The following ERMP1 variants were observed in gnomAD, a reference collection of about 807,000 sequenced individuals.
ERMP1 encodes the protein endoplasmic reticulum metallopeptidase 1, also known as Felix-ina.
Under a neutral mutation model 92.0 loss-of-function variants are expected in ERMP1, and 86 were observed. That is an observed-to-expected ratio of 0.93 (90% CI 0.79 to 1.12). ERMP1 has a LOEUF of 1.12. Ranked by LOEUF, ERMP1 falls within the 50% of genes most tolerant of loss-of-function variation. The probability of loss-of-function intolerance (pLI) is 0.00; values close to 1 mark genes in which losing one functional copy is unlikely to be tolerated. For missense variants in ERMP1, 1,342 were observed against 1,116.3 expected (o/e 1.20, Z -2.88); for synonymous variants, 530 against 412.8 (o/e 1.28, Z -3.44).
intron 4 of ERMP1, among the ~76,000 whole-genome samples, chr9:5,822,723 G>C (rs772032086): frequency 1.3e-5 from 2 of 152,156 alleles, no homozygotes; most frequent in Non-Finnish European, 2.9e-5. Flanking sequence ...CAGGGAAATG[G>C]AATGGAACTT....
Position 5,833,108 on chromosome 9 carries a change from A to C in ERMP1, c.-81T>G. The C allele has an allele frequency of 5.9e-6, 7 of 1,195,254 alleles. No individual in the cohort carries two copies. The highest frequency in any genetic ancestry group is 6.6e-6 in the Non-Finnish European group (6 of 905,612). The allele number at this position is 1,195,254 out of a possible 1,614,324, so 74.0% of individuals were successfully genotyped here. On this transcript the variant is annotated 5_prime_UTR_variant, in exon 1 of 15. Coordinates refer to ENST00000339450, the MANE Select transcript of ERMP1 (RefSeq NM_024896.3). ...CCGCCGACGCCGCCGTCGCTGCCGC[A>C]GCGCCTCCTAGTGAGCGGACGGAAA... is the stretch of plus-strand genomic sequence containing the variant.
intron 10 of ERMP1, among the ~76,000 whole-genome samples, chr9:5,803,070 AT>A (rs1383372084): frequency 6.6e-6 from 1 of 152,130 alleles, no homozygotes; most frequent in East Asian, 1.9e-4. Flanking sequence ...AAAAACCGTG[AT>A]TGCTTGACAA....
chr9:5,828,173 C>G (rs1257123651), intron 2 of ERMP1, among the ~76,000 whole-genome samples: 1 of 152,186 alleles, frequency 6.6e-6, no homozygotes, highest in South Asian at 2.1e-4. Context: ...GTTCTAATGG[C>G]TCACAAAAAT....
intron 5 of ERMP1, among the ~76,000 whole-genome samples, chr9:5,866,343 C>T (rs913086387): frequency 2.6e-5 from 4 of 152,172 alleles, no homozygotes; most frequent in African/African-American, 9.7e-5. Flanking sequence ...CATACCCAAA[C>T]CATAGGATCC....
At chr9:5,805,264 G>C in intron 9 of ERMP1, 47 bp from the exon 10 acceptor site, 1 of 1,442,746 alleles carries the variant, frequency 6.9e-7, no homozygotes, top group Non-Finnish European at 9.5e-7. Context: ...ATCCTCCAGT[G>C]AGATATAAAT....
chr9:5,866,264 C>T (rs1015111795), intron 5 of ERMP1, among the ~76,000 whole-genome samples: 2 of 152,062 alleles, frequency 1.3e-5, no homozygotes, highest in Non-Finnish European at 2.9e-5. Flanking sequence ...ATTTCTAGAT[C>T]GAACAGGATA....
intron 4 of ERMP1, among the ~76,000 whole-genome samples, chr9:5,819,150 A>G (rs1354001142): frequency 6.6e-6 from 1 of 152,246 alleles, no homozygotes; most frequent in East Asian, 1.9e-4. Flanking sequence ...TAAAAGTCTA[A>G]AAGTGGAAAC....
chr9:5,823,888 T>A lies in ERMP1; in HGVS notation c.874+8A>T. 6.4e-7 allele frequency: 1 copy of A among 1,574,032 alleles called. No homozygotes were observed. Among genetic ancestry groups the A allele is most frequent in the Non-Finnish European group, 8.7e-7 (1 of 1,147,690 alleles). ...GCATTAAAATATACAACGCACAATC[T>A]CACATACCTGTTTGGAATACAAGTT... On this transcript the variant is annotated splice_region_variant and intron_variant, in intron 4 of 14. Transcript: ENST00000339450.
chr9:5,796,736 T>A (rs914553519), intron 13 of ERMP1, among the ~76,000 whole-genome samples: 1 of 152,158 alleles, frequency 6.6e-6, no homozygotes, highest in East Asian at 1.9e-4. Flanking sequence ...AAAAGAGAGA[T>A]AAATAGGTGA....
chr9:5,854,077 G>A (rs1830342707), intron 6 of ERMP1, among the ~76,000 whole-genome samples: 1 of 151,838 alleles, frequency 6.6e-6, no homozygotes, highest in African/African-American at 2.4e-5. Context: ...ATAAATTGTG[G>A]CCAGGTGATT....
chr9:5,860,405 G>C (rs1486431478), intron 5 of ERMP1, among the ~76,000 whole-genome samples: 1 of 152,088 alleles, frequency 6.6e-6, no homozygotes, highest in African/African-American at 2.4e-5. Context: ...CAGGAGCTCT[G>C]TTCCATTCAT....
At chr9:5,865,434 G>A (rs7044374) in intron 5 of ERMP1, among the ~76,000 whole-genome samples, 2,461 of 151,844 alleles carry the variant, frequency 0.016, 68 homozygotes, top group African/African-American at 0.054. Context: ...CGTGAGCCCG[G>A]GAGGCGGAGC....
chr9:5,865,941 T>G (rs376672865), intron 5 of ERMP1, among the ~76,000 whole-genome samples: 1 of 151,936 alleles, frequency 6.6e-6, no homozygotes, highest in South Asian at 2.1e-4. Flanking sequence ...AGGGTTTATA[T>G]CTGGGTTCTG....
chr9:5,811,575 C>A (rs1489417124), intron 6 of ERMP1, among the ~76,000 whole-genome samples: 23 of 152,198 alleles, frequency 1.5e-4, no homozygotes, highest in Admixed American at 1.4e-3. Flanking sequence ...CACTCAGACG[C>A]TCAGCCAACT....
rs1047550980 is a variant in ERMP1 at position 5,813,062 on chromosome 9, G to C, written c.875-27C>G. 5 of 1,598,620 alleles carry C rather than the reference G, an allele frequency of 3.1e-6. No individual in the cohort carries two copies. In the African/African-American group the frequency reaches 6.8e-5, roughly 22 times the overall value. On this transcript the variant is annotated intron_variant, in intron 4 of 14. Coordinates refer to ENST00000339450, the MANE Select transcript of ERMP1 (RefSeq NM_024896.3). ...TAAAATGAAAGATGACAACACAATA[G>C]AAGGTATTCCGGCAATTTTTTTTAA...
chr9:5,839,839 C>T (rs745937376), intron 6 of ERMP1, among the ~76,000 whole-genome samples: 1 of 152,204 alleles, frequency 6.6e-6, no homozygotes, highest in East Asian at 1.9e-4. Flanking sequence ...GCAAATATCT[C>T]TCAAAGTGTG....
chr9:5,848,863 G>T (rs1830271157), intron 6 of ERMP1, among the ~76,000 whole-genome samples: 1 of 152,174 alleles, frequency 6.6e-6, no homozygotes, highest in Non-Finnish European at 1.5e-5. Flanking sequence ...GTTCACAGGG[G>T]TGTTGGTTTG....
At chr9:5,844,591 A>G (rs1475910611) in intron 6 of ERMP1, among the ~76,000 whole-genome samples, 1 of 152,164 alleles carries the variant, frequency 6.6e-6, no homozygotes, top group African/African-American at 2.4e-5. Flanking sequence ...AGAAGATTAC[A>G]GTCAATCTTT....
At position 5,825,169 on chromosome 9, in the gene ERMP1, C is replaced by T. The variant is rs1312842998; in HGVS notation, c.691G>A (p.Val231Ile). 8 of 1,614,056 alleles carry T rather than the reference C, an allele frequency of 5.0e-6. No homozygotes were observed. Among genetic ancestry groups the T allele is most frequent in the East Asian group, 2.2e-5 (1 of 44,880 alleles). Residue 231 changes from valine to isoleucine, a missense_variant, in exon 3 of 15, where the codon GTC (valine) becomes ATC (isoleucine). By Grantham distance (29) the Val-to-Ile change is conservative (BLOSUM62 3). Transcript: ENST00000339450. The stretch of plus-strand genomic sequence containing the variant: ...AAGGCTTCTGAAGATGTTGACAAGA[C>T]GCGAAGGACTTCCAGCATCACTGAG... ...SCSVMLEVLR[V>I]LSTSSEALHH...
Sources: allele counts gnomAD v4.1 joint callset (sites outside exome capture counted in the v4.1 genomes callset), GRCh38; gene constraint gnomAD v4.1.1; transcripts MANE v1.5; gene names NCBI Gene and HGNC (gene_info 2026-07-23, HGNC 2026-07-21).